The following LIPG variants were observed in gnomAD, a reference collection of about 807,000 sequenced individuals.
LIPG encodes endothelial lipase.
In LIPG, 34 loss-of-function variants were observed where a neutral mutation model predicts 51.8. The observed-to-expected ratio is 0.66, with a 90% confidence interval of 0.50 to 0.87. The LOEUF (loss-of-function observed/expected upper bound fraction) is 0.87. Among genes scored for constraint, LIPG ranks in the 40% least tolerant of loss-of-function variants. The pLI is 0.00. For missense variants in LIPG, 580 were observed against 652.7 expected (o/e 0.89, Z 1.21); for synonymous variants, 246 against 246.1 (o/e 1.00, Z 0.00).
At chr18:49,577,527 G>T (rs958937026) in intron 5 of LIPG, among the ~76,000 whole-genome samples, 4 of 149,384 alleles carry the variant, frequency 2.7e-5, no homozygotes, top group Middle Eastern at 3.4e-3. Flanking sequence ...TCAATGAGCT[G>T]CTGGGCACAC....
At chr18:49,580,446 C>T (rs1465727092) in intron 5 of LIPG, among the ~76,000 whole-genome samples, 1 of 152,096 alleles carries the variant, frequency 6.6e-6, no homozygotes, top group Non-Finnish European at 1.5e-5. Flanking sequence ...AATATATAAA[C>T]AAATGAGGGT....
chr18:49,572,023 T>G (rs537438852), intron 4 of LIPG, among the ~76,000 whole-genome samples: 48 of 152,318 alleles, frequency 3.2e-4, no homozygotes, highest in African/African-American at 1.1e-3. Context: ...AAATACCTCA[T>G]GTGTGGCCGG....
At chr18:49,576,344 C>T (rs1457579701) in intron 5 of LIPG, among the ~76,000 whole-genome samples, 1 of 151,406 alleles carries the variant, frequency 6.6e-6, no homozygotes, top group Non-Finnish European at 1.5e-5. Context: ...CCCCAAATCA[C>T]ATTGTTCTGC....
At chr18:49,572,894 C>T (rs761598848) in intron 4 of LIPG, among the ~76,000 whole-genome samples, 2 of 152,196 alleles carry the variant, frequency 1.3e-5, no homozygotes, top group South Asian at 2.1e-4. Context: ...GAAGAAGCGG[C>T]GGAGGTTCTC....
intron 4 of LIPG, among the ~76,000 whole-genome samples, chr18:49,574,847 GGAA>G (rs1487428799): frequency 3.3e-5 from 5 of 152,160 alleles, no homozygotes; most frequent in East Asian, 3.9e-4. Flanking sequence ...CCTGATTAAA[GGAA>G]GAAGAATAAA....
rs1555778434 is a variant in LIPG at position 49,579,817 on chromosome 18, T to TCTTTTCTTTTCTTTA, written c.794-1594_794-1593insTCTTTTCTTTACTTT. On this transcript the variant is annotated intron_variant, in intron 5 of 9. Coordinates refer to ENST00000261292, the MANE Select transcript of LIPG (RefSeq NM_006033.4). ...TCTTTTCTTTTCTTTTCTTTTCTTT[T>TCTTTTCTTTTCTTTA]CTTTACTTTACTTTTGATGGAGTTT... Among the ~76,000 whole-genome samples, 291 of 135,128 alleles carry TCTTTTCTTTTCTTTA rather than the reference T, an allele frequency of 2.2e-3. 3 individuals carry two copies. Among genetic ancestry groups the TCTTTTCTTTTCTTTA allele is most frequent in the African/African-American group, 7.6e-3 (261 of 34,476 alleles). 88.6% of individuals were successfully genotyped at this position (135,128 alleles called of 152,430 possible).
intron 5 of LIPG, among the ~76,000 whole-genome samples, chr18:49,579,789 T>TTTCCTTTCCTTTCC (rs2084797109): frequency 1.2e-5 from 1 of 85,610 alleles, no homozygotes. Context: ...TTTTCTTTTC[T>TTTCCTTTCCTTTCC]TTTCTTTTCT....
chr18:49,585,568 C>A (rs1224336086), intron 8 of LIPG, among the ~76,000 whole-genome samples: 1 of 152,188 alleles, frequency 6.6e-6, no homozygotes, highest in Admixed American at 6.5e-5. Flanking sequence ...TGCCATTGTT[C>A]TGCTGAATAG....
chr18:49,590,555 C>T lies in LIPG; in HGVS notation c.*33C>T. The T allele has an allele frequency of 6.3e-7, 1 of 1,583,994 alleles. No individual in the cohort carries two copies. The highest frequency in any genetic ancestry group is 8.6e-7 in the Non-Finnish European group (1 of 1,162,312). On this transcript the variant is annotated 3_prime_UTR_variant, in exon 10 of 10. Coordinates refer to ENST00000261292, the MANE Select transcript of LIPG (RefSeq NM_006033.4). ...CGGGCAAGTCTTGCCAGCAAGGCAG[C>T]AAGACTTCCTGCTATCCAAGCCCAT...
chr18:49,577,751 C>G (rs2034717190), intron 5 of LIPG, among the ~76,000 whole-genome samples: 3 of 52,786 alleles, frequency 5.7e-5, no homozygotes, highest in Admixed American at 1.4e-4. Context: ...GGGGGCTGAC[C>G]CCCCCACCTC....
At chr18:49,583,894 A>T (rs36095398) in intron 8 of LIPG, 120 bp downstream of exon 8, 8,653 of 862,526 alleles carry the variant, frequency 0.01, 322 homozygotes, top group African/African-American at 0.091. Context: ...ATGCAGGTAA[A>T]ACTTCAAACA....
Position 49,594,129 on chromosome 18 carries a change from T to G in LIPG, c.*3607T>G, listed in dbSNP as rs12608026. On this transcript the variant is annotated 3_prime_UTR_variant, in exon 10 of 10. Transcript: ENST00000261292. ...GTAATCTTGTTTGTTTCGTTTGGTG[T>G]TTTTTGTTTTTTTGTTTTTTTTTGA... The G allele has an allele frequency of 0.073, 10,405 of 142,536 alleles. 529 individuals carry two copies. Among genetic ancestry groups the G allele is most frequent in the East Asian group, 0.21 (1,043 of 4,876 alleles). The allele number at this position is 142,536 out of a possible 1,614,324, so 8.8% of individuals were successfully genotyped here.
chr18:49,564,333 G>T (rs1036307294), intron 1 of LIPG, among the ~76,000 whole-genome samples: 2 of 152,322 alleles, frequency 1.3e-5, no homozygotes, highest in Middle Eastern at 3.4e-3. Context: ...AGAGTGCTGG[G>T]TGGGGTCCAT....
intron 2 of LIPG, 62 bp downstream of exon 2, chr18:49,565,560 A>G (rs2084596536): frequency 1.9e-6 from 3 of 1,574,738 alleles, no homozygotes; most frequent in Middle Eastern, 1.7e-4. Flanking sequence ...GTTTTGGTCA[A>G]TTAGAAAGAA....
In LIPG at chr18:49,596,249, A is replaced by G. The variant is rs1391282018; in HGVS notation, c.*5727A>G. The stretch of plus-strand genomic sequence containing the variant: ...TATGAAATATAAATTCAAAACCTGT[A>G]TAAAAACTGAAAAAATGTAAAACGT... On this transcript the variant is annotated 3_prime_UTR_variant, in exon 10 of 10. Coordinates refer to ENST00000261292, the MANE Select transcript of LIPG (RefSeq NM_006033.4). 1 of 152,214 alleles carries G rather than the reference A, an allele frequency of 6.6e-6. No homozygotes were observed. The highest frequency in any genetic ancestry group is 1.5e-5 in the Non-Finnish European group (1 of 68,042). The allele number at this position is 152,214 out of a possible 1,614,324, so 9.4% of individuals were successfully genotyped here. A position where few individuals can be genotyped will look rare whatever the true frequency, so the allele number is the denominator to read the frequency against.
At chr18:49,567,730 A>C in intron 3 of LIPG, 109 bp downstream of exon 3, 3 of 1,116,620 alleles carry the variant, frequency 2.7e-6, no homozygotes, top group Non-Finnish European at 3.8e-6. Flanking sequence ...GAGTCTGATA[A>C]AAATCTTTGA....
Position 49,599,155 on chromosome 18 carries a change from T to C in LIPG, c.*8633T>C, listed in dbSNP as rs1337186181. 2 of 152,242 alleles carry C rather than the reference T, an allele frequency of 1.3e-5. No individual in the cohort carries two copies. The highest frequency in any genetic ancestry group is 1.5e-5 in the Non-Finnish European group (1 of 68,040). The allele number at this position is 152,242 out of a possible 1,614,324, so 9.4% of individuals were successfully genotyped here. On this transcript the variant is annotated 3_prime_UTR_variant, in exon 10 of 10. Transcript: ENST00000261292. ...ATCATATGGAATGTATATGTTTAAC[T>C]TTTAAATAAACTGCCAAACTGTTTT...
At position 49,594,670 on chromosome 18, in the gene LIPG, G is replaced by A. The variant is rs2084972246; in HGVS notation, c.*4148G>A. ...CTATGAAGTATAATGCATTACATCA[G>A]TTTGACTTTATTTCTGGTCTTAAGT... is the stretch of plus-strand genomic sequence containing the variant. On this transcript the variant is annotated 3_prime_UTR_variant, in exon 10 of 10. Coordinates refer to ENST00000261292, the MANE Select transcript of LIPG (RefSeq NM_006033.4). 2 of 152,196 alleles carry A rather than the reference G, an allele frequency of 1.3e-5. No individual in the cohort carries two copies. The highest frequency in any genetic ancestry group is 2.9e-5 in the Non-Finnish European group (2 of 68,034). 9.4% of individuals were successfully genotyped at this position (152,196 alleles called of 1,614,324 possible). A position where few individuals can be genotyped will look rare whatever the true frequency, so the allele number is the denominator to read the frequency against.
chr18:49,586,640 T>C, intron 8 of LIPG, 106 bp from the exon 9 acceptor site: 1 of 801,632 alleles, frequency 1.2e-6, no homozygotes, highest in Non-Finnish European at 2.2e-6. Context: ...GGGCATGGCA[T>C]GAAAATTTCA....
Sources: gnomAD v4.1 joint callset for allele counts (sites outside exome capture counted in the v4.1 genomes callset) on GRCh38, gnomAD v4.1.1 for gene constraint, MANE v1.5 for transcripts, NCBI Gene and HGNC (gene_info 2026-07-23, HGNC 2026-07-21) for gene names.